CA8: variants seen among roughly 807,000 people sequenced by gnomAD.
The protein encoded by CA8 is carbonic anhydrase-related protein.
Under a neutral mutation model 41.4 loss-of-function variants are expected in CA8, and 22 were observed. The ratio of observed to expected loss-of-function variants is 0.53; its 90% CI spans 0.38 to 0.76. The LOEUF is 0.76. Ranked by LOEUF, CA8 falls within the 30% of genes least tolerant of loss-of-function variation. The probability of loss-of-function intolerance (pLI) is 0.00; values close to 1 mark genes in which losing one functional copy is unlikely to be tolerated. For missense variants in CA8, 270 were observed against 352.8 expected (o/e 0.77, Z 1.88); for synonymous variants, 121 against 130.6 (o/e 0.93, Z 0.50).
chr8:60,204,768 T>A (rs1806529690), intron 8 of CA8, among the ~76,000 whole-genome samples: 1 of 152,312 alleles, frequency 6.6e-6, no homozygotes, highest in African/African-American at 2.4e-5. Flanking sequence ...CCATGTTAAA[T>A]TATCAGAGGA....
chr8:60,276,137 G>C (rs184789084), intron 2 of CA8, among the ~76,000 whole-genome samples: 1 of 152,116 alleles, frequency 6.6e-6, no homozygotes, highest in East Asian at 1.9e-4. Context: ...CTGAGATGAC[G>C]GAGCAACTCA....
chr8:60,229,948 G>C (rs1807582838), intron 4 of CA8, among the ~76,000 whole-genome samples: 1 of 152,126 alleles, frequency 6.6e-6, no homozygotes, highest in Non-Finnish European at 1.5e-5. Context: ...CCCGGATAAA[G>C]AACAACCCAC....
intron 3 of CA8, among the ~76,000 whole-genome samples, chr8:60,235,543 G>C (rs1807800243): frequency 6.6e-6 from 1 of 152,186 alleles, no homozygotes. Flanking sequence ...TGAAAAGCTT[G>C]AATTATTCAC....
At chr8:60,224,660 T>C in intron 5 of CA8, 75 bp from the exon 6 acceptor site, 1 of 951,834 alleles carries the variant, frequency 1.1e-6, no homozygotes, top group Non-Finnish European at 1.7e-6. Context: ...CTATTAGAAC[T>C]AAAAAATTAG....
At chr8:60,243,851 G>A (rs777347152) in intron 3 of CA8, among the ~76,000 whole-genome samples, 3 of 151,954 alleles carry the variant, frequency 2.0e-5, no homozygotes, top group African/African-American at 4.8e-5. Context: ...ACAGGGTTCC[G>A]CCCTAACACC....
At chr8:60,218,059 C>T (rs897166606) in intron 7 of CA8, among the ~76,000 whole-genome samples, 4 of 152,152 alleles carry the variant, frequency 2.6e-5, no homozygotes, top group Admixed American at 6.5e-5. Flanking sequence ...CCCCTCATGT[C>T]GCAGGCTCTC....
intron 2 of CA8, among the ~76,000 whole-genome samples, chr8:60,277,664 A>G (rs1418532513): frequency 6.6e-6 from 1 of 152,162 alleles, no homozygotes; most frequent in Non-Finnish European, 1.5e-5. Flanking sequence ...CTATTCAACT[A>G]TTTTGTATAT....
intron 4 of CA8, among the ~76,000 whole-genome samples, chr8:60,229,657 C>T (rs1177450874): frequency 6.6e-6 from 1 of 152,124 alleles, no homozygotes; most frequent in Non-Finnish European, 1.5e-5. Flanking sequence ...TACGTGCTCT[C>T]ATTCTGAAAA....
intron 7 of CA8, among the ~76,000 whole-genome samples, chr8:60,212,808 G>A (rs1806883332): frequency 6.6e-6 from 1 of 152,170 alleles, no homozygotes; most frequent in African/African-American, 2.4e-5. Context: ...TTCTGACCCA[G>A]TAAAATATTT....
In CA8 at chr8:60,190,957, T is replaced by TATATACAC. The variant is rs1554573722; in HGVS notation, c.*36-973_*36-972insGTGTATAT. 3.2e-4 allele frequency among the ~76,000 whole-genome samples: 33 copies of TATATACAC among 104,244 alleles called. 1 individual carries two copies. The highest frequency in any genetic ancestry group is 5.2e-3 in the Middle Eastern group (1 of 192). 68.4% of individuals were successfully genotyped at this position (104,244 alleles called of 152,430 possible). A position where few individuals can be genotyped will look rare whatever the true frequency, so the allele number is the denominator to read the frequency against. On this transcript the variant is annotated intron_variant, in intron 8 of 8. Coordinates refer to ENST00000317995, the MANE Select transcript of CA8 (RefSeq NM_004056.6). ...CACACACTATATATATATATATATA[T>TATATACAC]ACACACACACATTTCTACATATGCA...
intron 3 of CA8, among the ~76,000 whole-genome samples, chr8:60,244,439 C>A (rs777900635): frequency 1.3e-4 from 20 of 152,224 alleles, no homozygotes; most frequent in Non-Finnish European, 2.5e-4. Context: ...TATCTTTTTA[C>A]AATCTTGATA....
intron 3 of CA8, among the ~76,000 whole-genome samples, chr8:60,246,204 T>C (rs976876864): frequency 6.6e-6 from 1 of 152,278 alleles, no homozygotes; most frequent in African/African-American, 2.4e-5. Context: ...TAAAGCATTC[T>C]CAAAAACCTA....
Position 60,188,137 on chromosome 8 carries a change from GTAAA to G in CA8, c.*1880_*1883del, listed in dbSNP as rs918627015. Reference sequence around the variant, plus strand: ...CAGTCTTTTACTCAGAAAATATACAGTAAATAAATTCAAATTGCTTCAATATACA... The same window carrying G: ...CAGTCTTTTACTCAGAAAATATACAGTAAATTCAAATTGCTTCAATATACA... On this transcript the variant is annotated 3_prime_UTR_variant, in exon 9 of 9. Transcript: ENST00000317995. 32 of 152,266 alleles carry G rather than the reference GTAAA, an allele frequency of 2.1e-4. No individual in the cohort carries two copies. The highest frequency in any genetic ancestry group is 7.0e-4 in the African/African-American group (29 of 41,548). 9.4% of individuals were successfully genotyped at this position (152,266 alleles called of 1,614,324 possible).
At chr8:60,213,396 A>G (rs753419405) in intron 7 of CA8, among the ~76,000 whole-genome samples, 1 of 152,270 alleles carries the variant, frequency 6.6e-6, no homozygotes, top group Non-Finnish European at 1.5e-5. Context: ...AACCACAGGG[A>G]AAGTGCTGCC....
At chr8:60,222,276 C>A (rs1807277425) in intron 7 of CA8, among the ~76,000 whole-genome samples, 1 of 152,190 alleles carries the variant, frequency 6.6e-6, no homozygotes, top group Non-Finnish European at 1.5e-5. Context: ...CACACCAAGG[C>A]AAAACTATTT....
intron 7 of CA8, among the ~76,000 whole-genome samples, chr8:60,215,965 T>C (rs1480957424): frequency 6.6e-6 from 1 of 152,238 alleles, no homozygotes; most frequent in Non-Finnish European, 1.5e-5. Context: ...CTTAATTACA[T>C]ACATAAACCT....
At chr8:60,199,812 C>T (rs913392617) in intron 8 of CA8, among the ~76,000 whole-genome samples, 2 of 152,042 alleles carry the variant, frequency 1.3e-5, no homozygotes, top group African/African-American at 2.4e-5. Context: ...ACTGAAGTAG[C>T]CCAAAGGATG....
intron 8 of CA8, among the ~76,000 whole-genome samples, chr8:60,207,912 C>T (rs1299261768): frequency 6.6e-6 from 1 of 152,162 alleles, no homozygotes; most frequent in Non-Finnish European, 1.5e-5. Context: ...TATGCCACCA[C>T]ACCCAGCTAA....
intron 7 of CA8, among the ~76,000 whole-genome samples, chr8:60,218,365 C>A (rs554460715): frequency 4.6e-4 from 70 of 151,646 alleles, no homozygotes; most frequent in African/African-American, 1.6e-3. Flanking sequence ...ATGGTGAATT[C>A]TTTGAGAGTG....
Sources: gnomAD v4.1 joint callset for allele counts (sites outside exome capture counted in the v4.1 genomes callset) on GRCh38, gnomAD v4.1.1 for gene constraint, MANE v1.5 for transcripts, NCBI Gene and HGNC (gene_info 2026-07-23, HGNC 2026-07-21) for gene names.